Variants in CDC42BPB observed in about 807,000 individuals in gnomAD.
The protein encoded by CDC42BPB is serine/threonine-protein kinase MRCK beta.
Under a neutral mutation model 214.9 loss-of-function variants are expected in CDC42BPB, and 37 were observed. The observed-to-expected ratio is 0.17, with a 90% CI of 0.13 to 0.23. CDC42BPB has a LOEUF of 0.23. Among genes scored for constraint, CDC42BPB ranks in the 10% least tolerant of loss-of-function variants. The pLI is 1.00. For missense variants in CDC42BPB, 1,694 were observed against 2,227.0 expected (o/e 0.76, Z 4.82); for synonymous variants, 931 against 884.0 (o/e 1.05, Z -0.94).
At chr14:102,970,675 C>T (rs763643984) in intron 13 of CDC42BPB, among the ~76,000 whole-genome samples, 13 of 152,222 alleles carry the variant, frequency 8.5e-5, no homozygotes, top group Non-Finnish European at 1.6e-4. Context: ...GCTCCCGAGC[C>T]AAGCCCGCTT....
chr14:102,972,436 C>CAG, intron 12 of CDC42BPB: 2 of 627,602 alleles, frequency 3.2e-6, no homozygotes, highest in Non-Finnish European at 4.0e-6. Flanking sequence ...CCTGTAACCC[C>CAG]AGCACTTTTG....
At chr14:102,934,187 T>C in intron 36 of CDC42BPB, 1 of 261,542 alleles carries the variant, frequency 3.8e-6, no homozygotes, top group Non-Finnish European at 6.6e-6. Flanking sequence ...ACACTTGAGG[T>C]CAGGAGTTTG....
intron 23 of CDC42BPB, among the ~76,000 whole-genome samples, chr14:102,953,930 G>T (rs1892602221): frequency 6.6e-6 from 1 of 152,230 alleles, no homozygotes; most frequent in African/African-American, 2.4e-5. Context: ...ATGAGAGAAG[G>T]AGAGTGGGGA....
intron 21 of CDC42BPB, among the ~76,000 whole-genome samples, chr14:102,957,881 C>A (rs954374231): frequency 6.6e-6 from 1 of 152,248 alleles, no homozygotes; most frequent in Non-Finnish European, 1.5e-5. Context: ...CCACCCTGGG[C>A]AGGCCGGCCT....
At chr14:103,035,193 G>A (rs1284805539) in intron 1 of CDC42BPB, among the ~76,000 whole-genome samples, 1 of 152,084 alleles carries the variant, frequency 6.6e-6, no homozygotes, top group East Asian at 2.0e-4. Flanking sequence ...AAGTAGCAGG[G>A]ATTACAGGCA....
intron 2 of CDC42BPB, chr14:103,008,791 T>C: frequency 1.9e-6 from 1 of 516,616 alleles, no homozygotes; most frequent in East Asian, 1.5e-4. Context: ...CACCCCTTTA[T>C]GGCTCGGGTT....
chr14:102,940,457 C>T, intron 30 of CDC42BPB, 133 bp from the exon 31 acceptor site: 1 of 1,479,268 alleles, frequency 6.8e-7, no homozygotes, highest in Non-Finnish European at 9.0e-7. Flanking sequence ...TTCACGTCAC[C>T]AAAGACTTCA....
rs534693156 is a variant in CDC42BPB at position 103,003,845 on chromosome 14, T to C, written c.447+83A>G. On this transcript the variant is annotated intron_variant, in intron 4 of 36. Transcript: ENST00000361246. ...CATTTTTTAAATGTCAGTTCCACATTGTCTGACTGAATTTTTAGTGACAGC... is the reference window on the plus strand; with the variant it reads ...CATTTTTTAAATGTCAGTTCCACATCGTCTGACTGAATTTTTAGTGACAGC... The C allele has an allele frequency of 3.9e-4, 441 of 1,120,344 alleles. 3 individuals carry two copies. In the African/African-American group the frequency reaches 6.0e-3, roughly 15 times the overall value. The allele number at this position is 1,120,344 out of a possible 1,614,324, so 69.4% of individuals were successfully genotyped here.
rs56412851 is a variant in CDC42BPB, at chr14:102,938,341, G to T, written c.4898C>A (p.Ser1633Tyr). Reference sequence around the variant, plus strand: ...CCACGAGATGTAGGGCTTGTTCCTGGATGGAGGCTGGCGAGCCAGGTTGGT... The same window carrying T: ...CCACGAGATGTAGGGCTTGTTCCTGTATGGAGGCTGGCGAGCCAGGTTGGT... ...APTNLARQPPSRNKPYISWPS... is the reference protein window; with the variant it reads ...APTNLARQPPYRNKPYISWPS... The change falls in exon 35 of 37, where the codon TCC becomes TAC. Residue 1633 changes from serine (S) to tyrosine (Y), a missense_variant. Coordinates refer to ENST00000361246, the MANE Select transcript of CDC42BPB (RefSeq NM_006035.4). The T allele has an allele frequency of 3.1e-6, 5 of 1,602,780 alleles. No homozygotes were observed. In the East Asian group the frequency reaches 9.0e-5, roughly 29 times the overall value.
intron 21 of CDC42BPB, among the ~76,000 whole-genome samples, chr14:102,958,079 C>G (rs1892790748): frequency 6.6e-6 from 1 of 152,186 alleles, no homozygotes; most frequent in Non-Finnish European, 1.5e-5. Flanking sequence ...TTAAAGGAAA[C>G]AAAAGACTAA....
chr14:103,045,465 C>CCCCGAGGAGCAGGCGCTGTCCAGCCA (rs775973505), intron 1 of CDC42BPB, among the ~76,000 whole-genome samples: 7 of 152,070 alleles, frequency 4.6e-5, no homozygotes, highest in African/African-American at 1.7e-4. Context: ...ACCCTCCCAG[C>CCCCGAGGAGCAGGCGCTGTCCAGCCA]CCCGAGGAGC....
At chr14:102,948,852 C>T (rs1479688049) in intron 26 of CDC42BPB, among the ~76,000 whole-genome samples, 2 of 152,012 alleles carry the variant, frequency 1.3e-5, no homozygotes, top group Admixed American at 1.3e-4. Context: ...AGTGGCCCTT[C>T]ACCACCAGGC....
intron 5 of CDC42BPB, among the ~76,000 whole-genome samples, chr14:102,990,094 T>TTGA (rs1566885916): frequency 6.6e-6 from 1 of 152,032 alleles, no homozygotes; most frequent in African/African-American, 2.4e-5. Context: ...CTTCATGCAG[T>TTGA]TTTGGAAGCA....
chr14:102,937,382 G>C (rs1295234758), intron 36 of CDC42BPB, among the ~76,000 whole-genome samples: 1 of 152,270 alleles, frequency 6.6e-6, no homozygotes, highest in Non-Finnish European at 1.5e-5. Context: ...CGCTGACCTT[G>C]GCAGAACCAG....
At position 102,956,791 on chromosome 14, in the gene CDC42BPB, G is replaced by A. The variant is rs111863144; in HGVS notation, c.2902-2103C>T. 1.7e-3 allele frequency among the ~76,000 whole-genome samples: 255 copies of A among 152,094 alleles called. 2 individuals carry two copies. Among genetic ancestry groups the A allele is most frequent in the African/African-American group, 5.7e-3 (236 of 41,488 alleles). ...TTGCAGTGAGCTATGATGGTGGCAC[G>A]GCACTCCAGCCTGGGCAGCAGAAGG... On this transcript the variant is annotated intron_variant, in intron 21 of 36. Transcript: ENST00000361246.
rs753718027 is a variant in CDC42BPB at position 102,976,054 on chromosome 14, G to A, written c.1221-5C>T. 1.2e-5 allele frequency: 20 copies of A among 1,606,928 alleles called. No individual in the cohort carries two copies. The highest frequency in any genetic ancestry group is 1.4e-5 in the Non-Finnish European group (17 of 1,174,540). Reference sequence around the variant, plus strand: ...GAGCCTCGATCAGAAAAACAGCTGGGAAACCAAGCAACAGGTTTTTTTGAT... The same window carrying A: ...GAGCCTCGATCAGAAAAACAGCTGGAAAACCAAGCAACAGGTTTTTTTGAT... On this transcript the variant is annotated splice_polypyrimidine_tract_variant and splice_region_variant and intron_variant, in intron 9 of 36. Coordinates refer to ENST00000361246, the MANE Select transcript of CDC42BPB (RefSeq NM_006035.4).
At chr14:102,937,313 G>C (rs1461400173) in intron 36 of CDC42BPB, 1 of 152,598 alleles carries the variant, frequency 6.6e-6, no homozygotes, top group Non-Finnish European at 1.5e-5. Flanking sequence ...GCAGAATAAA[G>C]GGTGGAACAG....
chr14:103,004,159 C>T lies in CDC42BPB; in HGVS notation c.352-136G>A. ...GCCTTCCGGGCTCCTCCTCGTGCACCACCCCGAGGCTGCTGAGGCTGAGCC... is the reference window on the plus strand; with the variant it reads ...GCCTTCCGGGCTCCTCCTCGTGCACTACCCCGAGGCTGCTGAGGCTGAGCC... On this transcript the variant is annotated intron_variant, in intron 3 of 36. Coordinates refer to ENST00000361246, the MANE Select transcript of CDC42BPB (RefSeq NM_006035.4). This position sits in a 1 kb window ranked among gnomAD's most constrained non-coding sequence, Gnocchi z 5.3. 7.2e-7 allele frequency: 1 copy of T among 1,395,678 alleles called. No homozygotes were observed. The highest frequency in any genetic ancestry group is 2.7e-5 in the East Asian group (1 of 36,588). 86.5% of individuals were successfully genotyped at this position (1,395,678 alleles called of 1,614,324 possible).
At chr14:103,015,173 G>A (rs929770670) in intron 1 of CDC42BPB, among the ~76,000 whole-genome samples, 2 of 152,210 alleles carry the variant, frequency 1.3e-5, no homozygotes, top group Admixed American at 6.5e-5. Flanking sequence ...AAGCAAAGCA[G>A]CAGGGGACCT....
Sources: allele counts gnomAD v4.1 joint callset (sites outside exome capture counted in the v4.1 genomes callset), GRCh38; gene constraint gnomAD v4.1.1; non-coding constraint Gnocchi (gnomAD v3.1); transcripts MANE v1.5; gene names NCBI Gene and HGNC (gene_info 2026-07-23, HGNC 2026-07-21).